Variants in RPS6KA5 observed in about 807,000 individuals in gnomAD.
RPS6KA5 encodes ribosomal protein S6 kinase alpha-5.
In RPS6KA5, 27 loss-of-function variants were observed where a neutral mutation model predicts 85.5. That is an observed-to-expected ratio of 0.32 (90% CI 0.23 to 0.44). RPS6KA5 has a LOEUF of 0.44. RPS6KA5 is among the 20% of genes least tolerant of loss of function. RPS6KA5 has a pLI of 1.00. For synonymous variants in RPS6KA5, 334 were observed against 348.2 expected, an observed-to-expected ratio of 0.96 and a Z score of 0.46; for missense variants, 811 against 980.9, an observed-to-expected ratio of 0.83 and a Z score of 2.31.
chr14:90,978,024 C>T (rs1353253612), intron 3 of RPS6KA5, among the ~76,000 whole-genome samples: 1 of 151,962 alleles, frequency 6.6e-6, no homozygotes, highest in African/African-American at 2.4e-5. Flanking sequence ...CACTGCACTC[C>T]AGCCTGGGTG....
chr14:91,017,515 G>T (rs913567908), intron 1 of RPS6KA5, among the ~76,000 whole-genome samples: 1 of 152,204 alleles, frequency 6.6e-6, no homozygotes, highest in African/African-American at 2.4e-5. Context: ...CAGGTGGCTT[G>T]ATGGAATGGC....
intron 1 of RPS6KA5, among the ~76,000 whole-genome samples, chr14:91,022,746 T>C (rs1223918863): frequency 2.0e-5 from 3 of 152,232 alleles, no homozygotes; most frequent in African/African-American, 7.2e-5. Flanking sequence ...ACTTATGCTC[T>C]TGCATACTTA....
intron 15 of RPS6KA5, 123 bp downstream of exon 15, chr14:90,875,078 G>T (rs1458912324): frequency 3.2e-6 from 3 of 925,160 alleles, no homozygotes; most frequent in Non-Finnish European, 4.9e-6. Flanking sequence ...GAGTAGCCTG[G>T]AAGCCTTTTA....
At chr14:90,920,695 A>C (rs1468587024) in intron 6 of RPS6KA5, among the ~76,000 whole-genome samples, 3 of 151,730 alleles carry the variant, frequency 2.0e-5, no homozygotes, top group Non-Finnish European at 2.9e-5. Context: ...GAAAAAAAAA[A>C]CCACATCCAA....
intron 3 of RPS6KA5, among the ~76,000 whole-genome samples, chr14:90,955,341 T>TA (rs1359647995): frequency 6.6e-6 from 1 of 152,192 alleles, no homozygotes; most frequent in Non-Finnish European, 1.5e-5. Context: ...GATCATAGCT[T>TA]ACTGCAGCTT....
At chr14:90,890,938 T>A (rs969119097) in intron 13 of RPS6KA5, among the ~76,000 whole-genome samples, 2 of 152,068 alleles carry the variant, frequency 1.3e-5, no homozygotes, top group South Asian at 2.1e-4. Flanking sequence ...TCTAAGCTTT[T>A]CCCTCTGCTT....
chr14:91,018,700 T>C (rs1244746880), intron 1 of RPS6KA5, among the ~76,000 whole-genome samples: 2 of 152,168 alleles, frequency 1.3e-5, no homozygotes, highest in Non-Finnish European at 2.9e-5. Flanking sequence ...AGCCACAGAC[T>C]GAAGGCTGCA....
intron 1 of RPS6KA5, among the ~76,000 whole-genome samples, chr14:91,036,665 G>A (rs1013863809): frequency 6.6e-6 from 1 of 152,180 alleles, no homozygotes; most frequent in Non-Finnish European, 1.5e-5. Context: ...CTTTATCGAG[G>A]TCACTGCTGT....
At chr14:90,903,422 G>T (rs931548772) in intron 8 of RPS6KA5, among the ~76,000 whole-genome samples, 11 of 152,190 alleles carry the variant, frequency 7.2e-5, no homozygotes, top group African/African-American at 2.7e-4. Flanking sequence ...TTAGCTCTCT[G>T]CCTGCACTTG....
At chr14:90,975,329 T>C (rs1046727572) in intron 3 of RPS6KA5, among the ~76,000 whole-genome samples, 1 of 152,352 alleles carries the variant, frequency 6.6e-6, no homozygotes, top group East Asian at 1.9e-4. Flanking sequence ...CTTTTGGGAC[T>C]GTTACAGGCT....
In RPS6KA5 at chr14:90,890,597, T is replaced by C; in HGVS notation, c.1726A>G (p.Asn576Asp). 1.2e-6 allele frequency: 2 copies of C among 1,614,224 alleles called. No homozygotes were observed. The highest frequency in any genetic ancestry group is 1.7e-6 in the Non-Finnish European group (2 of 1,180,018). Residue 576 changes from asparagine to aspartate, a missense_variant, in exon 14 of 17, where the codon AAT becomes GAT. Physicochemically the swap from Asn to Asp is conservative, Grantham distance 23. This residue lies in a region of RPS6KA5 where 650 missense variants were observed against 793.4 expected (regional missense o/e 0.82). Transcript: ENST00000614987. Reference sequence around the variant, plus strand: ...AAGCATGGAGTCTTCAGGGGCTGATTATCCGGTGGCTTTAGCCGTGCAAAT... The same window carrying C: ...AAGCATGGAGTCTTCAGGGGCTGATCATCCGGTGGCTTTAGCCGTGCAAAT... The part of the protein sequence containing the change: ...FGFARLKPPD[N>D]QPLKTPCFTL...
At position 90,859,265 on chromosome 14, in the gene RPS6KA5, T is replaced by C. The variant is rs1595078826; in HGVS notation, c.*12809A>G. On this transcript the variant is annotated 3_prime_UTR_variant, in exon 17 of 17. Transcript: ENST00000614987. ...CTGCAAGAAGAAAACATAACCATCTTAGAGGAAGATAACATCGTTCAAAGC... is the reference window on the plus strand; with the variant it reads ...CTGCAAGAAGAAAACATAACCATCTCAGAGGAAGATAACATCGTTCAAAGC... 6.6e-6 allele frequency: 1 copy of C among 152,198 alleles called. No homozygotes were observed. The highest frequency in any genetic ancestry group is 1.9e-4 in the East Asian group (1 of 5,198). The allele number at this position is 152,198 out of a possible 1,614,324, so 9.4% of individuals were successfully genotyped here. A position where few individuals can be genotyped will look rare whatever the true frequency, so the allele number is the denominator to read the frequency against.
chr14:90,948,422 C>A (rs1360029883), intron 3 of RPS6KA5, among the ~76,000 whole-genome samples: 1 of 152,144 alleles, frequency 6.6e-6, no homozygotes, highest in Non-Finnish European at 1.5e-5. Context: ...CTGAGCCGGG[C>A]GCAGTGGCTC....
At chr14:90,879,773 C>T (rs1315444832) in intron 14 of RPS6KA5, among the ~76,000 whole-genome samples, 2 of 142,912 alleles carry the variant, frequency 1.4e-5, no homozygotes, top group Non-Finnish European at 3.0e-5. Context: ...TCTTTCTCTC[C>T]ACTCCTAATT....
At chr14:90,904,152 T>C (rs536500844) in intron 8 of RPS6KA5, among the ~76,000 whole-genome samples, 1 of 152,310 alleles carries the variant, frequency 6.6e-6, no homozygotes, top group Non-Finnish European at 1.5e-5. Flanking sequence ...GGTTTCACTG[T>C]GTTAGCCAGG....
intron 11 of RPS6KA5, among the ~76,000 whole-genome samples, chr14:90,899,793 C>T (rs1487171235): frequency 7.2e-5 from 11 of 152,150 alleles, no homozygotes. Context: ...ATTTCAAATA[C>T]ACAACTAGTA....
chr14:90,956,127 A>G (rs2038494142), intron 3 of RPS6KA5, among the ~76,000 whole-genome samples: 1 of 152,224 alleles, frequency 6.6e-6, no homozygotes, highest in Non-Finnish European at 1.5e-5. Context: ...AGTTACATGC[A>G]AATATTATCC....
At chr14:90,964,486 A>G (rs888111931) in intron 3 of RPS6KA5, among the ~76,000 whole-genome samples, 2 of 152,250 alleles carry the variant, frequency 1.3e-5, no homozygotes, top group Admixed American at 6.5e-5. Flanking sequence ...ACAGAAGTGT[A>G]GGATTTTCTG....
At chr14:91,037,848 A>T (rs532636067) in intron 1 of RPS6KA5, among the ~76,000 whole-genome samples, 1 of 152,332 alleles carries the variant, frequency 6.6e-6, no homozygotes, top group South Asian at 2.1e-4. Flanking sequence ...TCCAGGCAAG[A>T]CCTGCAAGAT....
Sources: allele counts gnomAD v4.1 joint callset (sites outside exome capture counted in the v4.1 genomes callset), GRCh38; gene constraint gnomAD v4.1.1; regional missense constraint gnomAD v4.1.1; transcripts MANE v1.5; gene names NCBI Gene and HGNC (gene_info 2026-07-23, HGNC 2026-07-21).